The following C2CD2 variants were observed in gnomAD, a reference collection of about 807,000 sequenced individuals.
C2CD2 encodes the protein C2 calcium dependent domain containing 2, also known as C2 domain-containing protein 2.
A neutral mutation model predicts 74.3 loss-of-function variants in C2CD2; 43 were observed. The ratio of observed to expected loss-of-function variants is 0.58; its 90% confidence interval spans 0.45 to 0.75. C2CD2 has a LOEUF of 0.75. C2CD2 is among the 30% of genes least tolerant of loss of function. The pLI is 0.00. For missense variants in C2CD2, 801 were observed against 916.3 expected, an observed-to-expected ratio of 0.87 and a Z score of 1.63; for synonymous variants, 422 against 390.7, an observed-to-expected ratio of 1.08 and a Z score of -0.94.
At chr21:41,912,972 C>G (rs908903184) in intron 6 of C2CD2, among the ~76,000 whole-genome samples, 1 of 152,228 alleles carries the variant, frequency 6.6e-6, no homozygotes, top group African/African-American at 2.4e-5. Flanking sequence ...TTGATATCAA[C>G]AGCCAAGGGC....
chr21:41,951,088 C>T (rs2065446921), intron 1 of C2CD2, among the ~76,000 whole-genome samples: 1 of 152,266 alleles, frequency 6.6e-6, no homozygotes, highest in Non-Finnish European at 1.5e-5. Flanking sequence ...CCCCTGCTCT[C>T]CCACACCGCC....
rs1053218071 is a variant in C2CD2 at position 41,887,556 on chromosome 21, A to G, written c.*1568T>C. On this transcript the variant is annotated 3_prime_UTR_variant, in exon 14 of 14. Coordinates refer to ENST00000380486, the MANE Select transcript of C2CD2 (RefSeq NM_015500.2). ...ATAGGTTTTTACTAAAAAAGAAAAA[A>G]TCCTATAATTTTGGTTTTTATATAG... 8 of 152,116 alleles carry G rather than the reference A, an allele frequency of 5.3e-5. No homozygotes were observed. The East Asian group carries it at 9.6e-4, about 18-fold the overall frequency. 9.4% of individuals were successfully genotyped at this position (152,116 alleles called of 1,614,324 possible).
chr21:41,935,354 T>C (rs10446259), intron 2 of C2CD2, among the ~76,000 whole-genome samples: 42,932 of 152,182 alleles, frequency 0.28, 6,727 homozygotes, highest in Non-Finnish European at 0.35. Context: ...CACCAGTTCA[T>C]GCAACTACTG....
intron 9 of C2CD2, 53 bp from the exon 10 acceptor site, chr21:41,907,219 G>C (rs2064973368): frequency 1.4e-6 from 2 of 1,431,372 alleles, no homozygotes; most frequent in African/African-American, 2.8e-5. Flanking sequence ...TGCCCAGGCT[G>C]ATCAGCCAGG....
In C2CD2 at chr21:41,918,734, G is replaced by A. The variant is rs116484697; in HGVS notation, c.597+122C>T. The A allele has an allele frequency of 8.4e-4, 622 of 740,394 alleles. 3 individuals carry two copies. The African/African-American group carries it at 9.6e-3, about 11-fold the overall frequency. The allele number at this position is 740,394 out of a possible 1,614,324, so 45.9% of individuals were successfully genotyped here. Reference sequence around the variant, plus strand: ...GAGGCCCAAGCCAGCCCCAGGAGGAGTGGCTGGGACAGGGAAGGAGGCCAG... The same window carrying A: ...GAGGCCCAAGCCAGCCCCAGGAGGAATGGCTGGGACAGGGAAGGAGGCCAG... On this transcript the variant is annotated intron_variant, in intron 4 of 13. Transcript: ENST00000380486.
chr21:41,947,484 A>C (rs2065411083), intron 1 of C2CD2, among the ~76,000 whole-genome samples: 1 of 152,056 alleles, frequency 6.6e-6, no homozygotes, highest in African/African-American at 2.4e-5. Context: ...ACATTGCATT[A>C]ATCTCCTTGT....
Position 41,889,304 on chromosome 21 carries a change from C to A in C2CD2, c.1911G>T (p.Arg637=), listed in dbSNP as rs776135156. ...LRKGAKLFFR[R]RHQQKDPGMS... is the part of the protein sequence containing the mutation. Reference sequence around the variant, plus strand: ...TGCCTGGGTCTTTCTGTTGATGCCGCCGGCGGAAGAACAGCTTTGCACCTT... The same window carrying A: ...TGCCTGGGTCTTTCTGTTGATGCCGACGGCGGAAGAACAGCTTTGCACCTT... Residue 637 remains arginine, a synonymous_variant, in exon 14 of 14, where the codon CGG becomes CGT. Coordinates refer to ENST00000380486, the MANE Select transcript of C2CD2 (RefSeq NM_015500.2). 5 of 1,614,062 alleles carry A rather than the reference C, an allele frequency of 3.1e-6. No homozygotes were observed. Among genetic ancestry groups the A allele is most frequent in the Non-Finnish European group, 3.4e-6 (4 of 1,180,008 alleles).
At chr21:41,942,307 A>C (rs748140910) in intron 1 of C2CD2, 62 bp from the exon 2 acceptor site, 1 of 1,274,474 alleles carries the variant, frequency 7.8e-7, no homozygotes, top group Non-Finnish European at 1.1e-6. Flanking sequence ...TTTAAATTAC[A>C]TATCTGTTTA....
intron 2 of C2CD2, among the ~76,000 whole-genome samples, chr21:41,938,873 C>T (rs2065331558): frequency 1.3e-5 from 2 of 151,866 alleles, no homozygotes; most frequent in African/African-American, 4.8e-5. Flanking sequence ...TCCTAAGTAG[C>T]TGGGATTACA....
Position 41,907,686 on chromosome 21 carries a change from AGCT to A in C2CD2, c.1114_1116del (p.Ser373del). ...TCTGCCGTGACCGAGCCCAGCACCG[AGCT>A]GCCGCAGGCAGACCCGCTGGTCAGC... On this transcript the variant is annotated inframe_deletion, in exon 9 of 14. Transcript: ENST00000380486. The A allele has an allele frequency of 2.5e-6, 4 of 1,612,198 alleles. No homozygotes were observed. The highest frequency in any genetic ancestry group is 3.4e-6 in the Non-Finnish European group (4 of 1,179,770).
chr21:41,951,925 C>G (rs2065453649), intron 1 of C2CD2, among the ~76,000 whole-genome samples: 1 of 152,194 alleles, frequency 6.6e-6, no homozygotes, highest in African/African-American at 2.4e-5. Context: ...TTGCCTGCCT[C>G]CTACAAAGGA....
Position 41,939,499 on chromosome 21 carries a change from C to T in C2CD2, c.378+2648G>A, listed in dbSNP as rs549731581. Among the ~76,000 whole-genome samples the T allele has an allele frequency of 2.5e-3, 377 of 152,274 alleles. 6 individuals are homozygous for T. Among genetic ancestry groups the T allele is most frequent in the African/African-American group, 5.3e-4 (22 of 41,548 alleles). On this transcript the variant is annotated intron_variant, in intron 2 of 13. Transcript: ENST00000380486. The surrounding 1 kb of genome is among the most constrained non-coding windows in gnomAD (Gnocchi z 5.5). The stretch of plus-strand genomic sequence containing the variant: ...TGCCACAAATAGAGAGGGTGCTCAC[C>T]GCCTGGGAAGGCACTTCCAAAGCAG...
At chr21:41,932,619 G>A (rs1025725627) in intron 2 of C2CD2, among the ~76,000 whole-genome samples, 1 of 150,440 alleles carries the variant, frequency 6.6e-6, no homozygotes, top group African/African-American at 2.4e-5. Context: ...ACTGATAATC[G>A]GTGTGAGAAA....
At chr21:41,890,778 A>G (rs555463753) in intron 13 of C2CD2, among the ~76,000 whole-genome samples, 2 of 152,316 alleles carry the variant, frequency 1.3e-5, no homozygotes, top group Admixed American at 1.3e-4. Context: ...GCACACCAAC[A>G]ATTGTGGCAT....
intron 2 of C2CD2, among the ~76,000 whole-genome samples, chr21:41,938,171 A>G (rs2065324534): frequency 6.6e-6 from 1 of 151,820 alleles, no homozygotes; most frequent in African/African-American, 2.4e-5. Flanking sequence ...ACACGTGTAT[A>G]TATATATATA....
intron 10 of C2CD2, 35 bp from the exon 11 acceptor site, chr21:41,905,872 C>T (rs1384879672): frequency 8.7e-7 from 1 of 1,147,500 alleles, no homozygotes; most frequent in Non-Finnish European, 1.3e-6. Context: ...AAAAGCGGCC[C>T]CGTGGCTGAC....
In C2CD2 at chr21:41,944,414, C is replaced by T. The variant is rs528291311; in HGVS notation, c.280-2169G>A. 8.8e-5 allele frequency among the ~76,000 whole-genome samples: 13 copies of T among 148,350 alleles called. No individual in the cohort carries two copies. The South Asian group carries it at 2.2e-3, about 25-fold the overall frequency. On this transcript the variant is annotated intron_variant, in intron 1 of 13. Coordinates refer to ENST00000380486, the MANE Select transcript of C2CD2 (RefSeq NM_015500.2). ...GCAGGTGCCTGTAATCCCAGCTACTCGGGAGGCTGAGGCAGGAGAATGGCA... is the reference window on the plus strand; with the variant it reads ...GCAGGTGCCTGTAATCCCAGCTACTTGGGAGGCTGAGGCAGGAGAATGGCA...
chr21:41,931,027 A>T (rs913727411), intron 2 of C2CD2, among the ~76,000 whole-genome samples: 1 of 150,592 alleles, frequency 6.6e-6, no homozygotes, highest in Non-Finnish European at 1.5e-5. Context: ...CTCCCAAGAC[A>T]TGAGGAAAGA....
chr21:41,946,835 A>G (rs73221453), intron 1 of C2CD2, among the ~76,000 whole-genome samples: 4,272 of 152,214 alleles, frequency 0.028, 64 homozygotes, highest in Middle Eastern at 0.048. Flanking sequence ...CTCCAACCAT[A>G]TGAAAATGCC....
Sources: allele counts gnomAD v4.1 joint callset (sites outside exome capture counted in the v4.1 genomes callset), GRCh38; gene constraint gnomAD v4.1.1; non-coding constraint Gnocchi (gnomAD v3.1); transcripts MANE v1.5; gene names NCBI Gene and HGNC (gene_info 2026-07-23, HGNC 2026-07-21).